Variants in VAPA observed in about 807,000 individuals in gnomAD.
VAPA encodes the protein VAMP associated protein A, also known as vesicle-associated membrane protein-associated protein A.
A neutral mutation model predicts 25.6 loss-of-function variants in VAPA; 6 were observed. That is an observed-to-expected ratio of 0.23 (90% CI 0.13 to 0.46). The LOEUF (loss-of-function observed/expected upper bound fraction) is 0.46, where lower values mean the gene tolerates loss of function less well. VAPA is among the 20% of genes least tolerant of loss of function. VAPA has a pLI of 0.99. For missense variants in VAPA, 244 were observed against 302.1 expected (o/e 0.81, Z 1.43); for synonymous variants, 112 against 106.2 (o/e 1.05, Z -0.34).
intron 4 of VAPA, 34 bp downstream of exon 4, chr18:9,937,100 G>T (rs1599108552): frequency 1.3e-6 from 2 of 1,557,434 alleles, no homozygotes; most frequent in African/African-American, 1.4e-5. Context: ...ATTGGGAGCT[G>T]TTGAGCTCTC....
chr18:9,933,215 G>GAA (rs2069274735), intron 2 of VAPA, among the ~76,000 whole-genome samples: 1 of 151,966 alleles, frequency 6.6e-6, no homozygotes, highest in Non-Finnish European at 1.5e-5. Context: ...CAGAGAGAGA[G>GAA]AACCCAGGGT....
chr18:9,951,405 T>G (rs764866607), intron 5 of VAPA: 6 of 152,300 alleles, frequency 3.9e-5, no homozygotes, highest in African/African-American at 4.8e-5. Flanking sequence ...TCCACTATGC[T>G]GATCGCCTTC....
intron 1 of VAPA, among the ~76,000 whole-genome samples, chr18:9,930,642 ATATAAT>A (rs1469862605): frequency 6.6e-6 from 1 of 152,090 alleles, no homozygotes; most frequent in East Asian, 1.9e-4. Context: ...TAGTTTGACC[ATATAAT>A]GAAACAAGCA....
chr18:9,928,268 G>T (rs571498811), intron 1 of VAPA, among the ~76,000 whole-genome samples: 4 of 152,072 alleles, frequency 2.6e-5, no homozygotes, highest in African/African-American at 9.6e-5. Flanking sequence ...ATTTTTCAAG[G>T]TTATTTCAAG....
intron 4 of VAPA, among the ~76,000 whole-genome samples, chr18:9,946,274 G>C (rs2069422470): frequency 6.6e-6 from 1 of 152,064 alleles, no homozygotes; most frequent in Admixed American, 6.6e-5. Flanking sequence ...CCTATATATG[G>C]TATTGCCTTT....
At chr18:9,937,218 C>CTTTTTT (rs10642192) in intron 4 of VAPA, 152 bp downstream of exon 4, 18 of 205,412 alleles carry the variant, frequency 8.8e-5, no homozygotes, top group Admixed American at 6.9e-5. Context: ...CTTGGTATGC[C>CTTTTTT]TTTTTTTTTT....
intron 1 of VAPA, among the ~76,000 whole-genome samples, chr18:9,930,930 A>T (rs1054584960): frequency 4.6e-5 from 7 of 152,266 alleles, no homozygotes; most frequent in African/African-American, 1.4e-4. Context: ...ATGACTTTGT[A>T]AAATTTTAAA....
chr18:9,931,761 T>C, intron 1 of VAPA, 49 bp from the exon 2 acceptor site: 1 of 1,518,346 alleles, frequency 6.6e-7, no homozygotes, highest in South Asian at 1.2e-5. Context: ...CCTTCGTTGT[T>C]GAGAATCCAA....
intron 1 of VAPA, among the ~76,000 whole-genome samples, chr18:9,917,530 C>T (rs2069121893): frequency 6.6e-6 from 1 of 152,220 alleles, no homozygotes; most frequent in African/African-American, 2.4e-5. Context: ...ATCCGCCTGC[C>T]TTGGCCTCCC....
intron 4 of VAPA, among the ~76,000 whole-genome samples, chr18:9,945,401 C>T (rs2069412804): frequency 8.1e-6 from 1 of 124,192 alleles, no homozygotes; most frequent in South Asian, 2.7e-4. Flanking sequence ...CGCTCTGTCA[C>T]CCAGGCTGGA....
chr18:9,936,285 A>G (rs1007825007), intron 3 of VAPA, 72 bp downstream of exon 3: 3 of 971,900 alleles, frequency 3.1e-6, no homozygotes, highest in Non-Finnish European at 4.3e-6. Context: ...AGTCAGTAGA[A>G]AAACTTAATT....
intron 1 of VAPA, among the ~76,000 whole-genome samples, chr18:9,919,151 G>A (rs1167295977): frequency 6.6e-6 from 1 of 152,158 alleles, no homozygotes; most frequent in Non-Finnish European, 1.5e-5. Flanking sequence ...CTAAAGTGCT[G>A]GGATTACAGG....
At chr18:9,947,694 A>G (rs758114092) in intron 4 of VAPA, 1 of 152,224 alleles carries the variant, frequency 6.6e-6, no homozygotes, top group Non-Finnish European at 1.5e-5. Context: ...CAGAACAACC[A>G]GTCTTTTCTT....
chr18:9,931,557 TA>T (rs1392220055), intron 1 of VAPA, among the ~76,000 whole-genome samples: 1 of 152,210 alleles, frequency 6.6e-6, no homozygotes, highest in Non-Finnish European at 1.5e-5. Flanking sequence ...CAAAGTTTCA[TA>T]GTACTTTTTT....
At chr18:9,938,578 C>G (rs147784017) in intron 4 of VAPA, among the ~76,000 whole-genome samples, 77 of 152,276 alleles carry the variant, frequency 5.1e-4, no homozygotes, top group African/African-American at 1.8e-3. Flanking sequence ...CGGTGGAACT[C>G]GAGCAGGAGT....
chr18:9,919,635 C>T (rs1372193890), intron 1 of VAPA, among the ~76,000 whole-genome samples: 4 of 152,082 alleles, frequency 2.6e-5, no homozygotes, highest in Non-Finnish European at 5.9e-5. Context: ...TTCAAATATC[C>T]GGTAGCAGGA....
At position 9,955,345 on chromosome 18, in the gene VAPA, A is replaced by G. The variant is rs2069536986; in HGVS notation, c.*1134A>G. ...GCCTGTGGAATTTTCTTTATGAAAAATGATTTTAGCCTTTGCAAATGTTAA... is the reference window on the plus strand; with the variant it reads ...GCCTGTGGAATTTTCTTTATGAAAAGTGATTTTAGCCTTTGCAAATGTTAA... On this transcript the variant is annotated 3_prime_UTR_variant, in exon 6 of 6. Coordinates refer to ENST00000400000, the MANE Select transcript of VAPA (RefSeq NM_194434.3). The G allele has an allele frequency of 6.6e-6, 1 of 152,202 alleles. No homozygotes were observed. Among genetic ancestry groups the G allele is most frequent in the South Asian group, 2.1e-4 (1 of 4,832 alleles). The allele number at this position is 152,202 out of a possible 1,614,324, so 9.4% of individuals were successfully genotyped here. A position where few individuals can be genotyped will look rare whatever the true frequency, so the allele number is the denominator to read the frequency against.
intron 4 of VAPA, among the ~76,000 whole-genome samples, chr18:9,941,139 ATAACC>A (rs1371056685): frequency 6.6e-6 from 1 of 151,876 alleles, no homozygotes; most frequent in Non-Finnish European, 1.5e-5. Context: ...TTAATTTAAA[ATAACC>A]TAATTAACTT....
intron 1 of VAPA, among the ~76,000 whole-genome samples, chr18:9,931,398 A>T (rs2069253432): frequency 6.6e-6 from 1 of 152,256 alleles, no homozygotes; most frequent in African/African-American, 2.4e-5. Flanking sequence ...CATAGGGTGT[A>T]GGGTCTTCAG....
Sources: allele counts gnomAD v4.1 joint callset (sites outside exome capture counted in the v4.1 genomes callset), GRCh38; gene constraint gnomAD v4.1.1; transcripts MANE v1.5; gene names NCBI Gene and HGNC (gene_info 2026-07-23, HGNC 2026-07-21).